TRPC4AP: variants seen among roughly 807,000 people sequenced by gnomAD.
The protein encoded by TRPC4AP is short transient receptor potential channel 4-associated protein.
TRPC4AP carries 45 observed loss-of-function variants against 99.0 expected under a neutral mutation model. The ratio of observed to expected loss-of-function variants is 0.45; its 90% CI spans 0.36 to 0.58. The LOEUF is 0.58. Ranked by LOEUF, TRPC4AP falls within the 20% of genes least tolerant of loss-of-function variation. The probability of loss-of-function intolerance (pLI) is 0.00; values close to 1 mark genes in which losing one functional copy is unlikely to be tolerated. For synonymous variants in TRPC4AP, 408 were observed against 385.8 expected, an observed-to-expected ratio of 1.06 and a Z score of -0.67; for missense variants, 879 against 985.3, an observed-to-expected ratio of 0.89 and a Z score of 1.44.
intron 1 of TRPC4AP, among the ~76,000 whole-genome samples, chr20:35,087,558 A>G (rs1178040537): frequency 1.3e-5 from 2 of 152,156 alleles, no homozygotes; most frequent in Admixed American, 1.3e-4. Context: ...CCTAGAGCCC[A>G]GCGTTTACTC....
At position 35,053,839 on chromosome 20, in the gene TRPC4AP, T is replaced by TA. The variant is rs1015123958; in HGVS notation, c.528+1136dup. 5.9e-5 allele frequency among the ~76,000 whole-genome samples: 9 copies of TA among 152,308 alleles called. No individual in the cohort carries two copies. In the South Asian group the frequency reaches 8.3e-4, roughly 14 times the overall value. Reference sequence around the variant, plus strand: ...CACCACTTCTTCCTACTTTTTTCTTTAAAAAAATGTGGCTACAAGGAAATT... The same window carrying TA: ...CACCACTTCTTCCTACTTTTTTCTTTAAAAAAAATGTGGCTACAAGGAAATT... On this transcript the variant is annotated intron_variant, in intron 5 of 18. Coordinates refer to ENST00000252015, the MANE Select transcript of TRPC4AP (RefSeq NM_015638.3).
rs747139507 is a variant in TRPC4AP at position 35,010,229 on chromosome 20, T to C, written c.1469A>G (p.Lys490Arg). Reference sequence around the variant, plus strand: ...AGCTTCCACCTCAGGGATGTTGGCCTTGAGAGAGATGGCACTGAGTTCATT... The same window carrying C: ...AGCTTCCACCTCAGGGATGTTGGCCCTGAGAGAGATGGCACTGAGTTCATT... ...ELNELSAISL[K>R]ANIPEVEAVL... The change falls in exon 12 of 19, where the codon AAG (lysine) becomes AGG (arginine). Residue 490 changes from lysine (K) to arginine (R), a missense_variant. Around this residue, in one of 3 missense-constraint regions of TRPC4AP, gnomAD observed 603 missense variants for 631.8 expected, o/e 0.95. Coordinates refer to ENST00000252015, the MANE Select transcript of TRPC4AP (RefSeq NM_015638.3). The C allele has an allele frequency of 6.2e-7, 1 of 1,614,198 alleles. No individual in the cohort carries two copies. Among genetic ancestry groups the C allele is most frequent in the Non-Finnish European group, 8.5e-7 (1 of 1,180,030 alleles).
intron 2 of TRPC4AP, among the ~76,000 whole-genome samples, chr20:35,071,948 TG>T (rs2084328412): frequency 6.6e-6 from 1 of 152,226 alleles, no homozygotes; most frequent in Admixed American, 6.5e-5. Context: ...CAGCACCTGT[TG>T]TTTCCTGACT....
At position 35,065,231 on chromosome 20, in the gene TRPC4AP, A is replaced by G. The variant is rs571519579; in HGVS notation, c.414+4065T>C. Among the ~76,000 whole-genome samples, 3 of 152,352 alleles carry G rather than the reference A, an allele frequency of 2.0e-5. No individual in the cohort carries two copies. The South Asian group carries it at 6.2e-4, about 32-fold the overall frequency. ...CTGGAAGATTTTTACCTACAAATCT[A>G]GATTTCCCATAACCTCTCAGGGAAA... On this transcript the variant is annotated intron_variant, in intron 3 of 18. Coordinates refer to ENST00000252015, the MANE Select transcript of TRPC4AP (RefSeq NM_015638.3).
intron 13 of TRPC4AP, 71 bp downstream of exon 13, chr20:35,008,593 T>C (rs1455904635): frequency 7.3e-7 from 1 of 1,363,284 alleles, no homozygotes; most frequent in East Asian, 2.3e-5. Flanking sequence ...AAAGGAGGTA[T>C]TCCTAACCTC....
In TRPC4AP at chr20:35,002,414, A is replaced by AAT. The variant is rs2082411684; in HGVS notation, c.*730_*731dup. Reference sequence around the variant, plus strand: ...CCAGGTCCACAGCAGTCATTTTTAAAATAAAGTTATTTAATAGTCTCCATT... The same window carrying AAT: ...CCAGGTCCACAGCAGTCATTTTTAAAATATAAAGTTATTTAATAGTCTCCATT... On this transcript the variant is annotated 3_prime_UTR_variant, in exon 19 of 19. Coordinates refer to ENST00000252015, the MANE Select transcript of TRPC4AP (RefSeq NM_015638.3). 4 of 425,664 alleles carry AAT rather than the reference A, an allele frequency of 9.4e-6. No individual in the cohort carries two copies. Among genetic ancestry groups the AAT allele is most frequent in the Admixed American group, 4.1e-5 (1 of 24,440 alleles). 26.4% of individuals were successfully genotyped at this position (425,664 alleles called of 1,614,324 possible).
At chr20:35,080,393 C>T (rs1001733630) in intron 1 of TRPC4AP, among the ~76,000 whole-genome samples, 3 of 151,730 alleles carry the variant, frequency 2.0e-5, no homozygotes, top group Admixed American at 6.6e-5. Context: ...CCCAGCTACT[C>T]GGGAGGCTGA....
At chr20:35,054,085 T>C (rs923370468) in intron 5 of TRPC4AP, among the ~76,000 whole-genome samples, 1 of 152,210 alleles carries the variant, frequency 6.6e-6, no homozygotes, top group Non-Finnish European at 1.5e-5. Flanking sequence ...ATCTTCTTCT[T>C]TCTTACCTGC....
chr20:35,031,965 C>T (rs1015909479), intron 8 of TRPC4AP, among the ~76,000 whole-genome samples: 2 of 152,216 alleles, frequency 1.3e-5, no homozygotes, highest in African/African-American at 4.8e-5. Flanking sequence ...CATCTCAGCA[C>T]ACTGCAACCT....
At chr20:35,008,533 A>G in intron 13 of TRPC4AP, 131 bp downstream of exon 13, 1 of 763,302 alleles carries the variant, frequency 1.3e-6, no homozygotes, top group East Asian at 2.5e-5. Flanking sequence ...CAGTCAAACC[A>G]CCTCTCCCCA....
Position 35,003,600 on chromosome 20 carries a change from A to G in TRPC4AP, c.2066T>C (p.Leu689Pro), listed in dbSNP as rs1426304333. 6.2e-7 allele frequency: 1 copy of G among 1,613,634 alleles called. No individual in the cohort carries two copies. The highest frequency in any genetic ancestry group is 8.5e-7 in the Non-Finnish European group (1 of 1,179,938). Residue 689 changes from leucine to proline, a missense_variant, in exon 18 of 19, where the codon CTC becomes CCC. Around this residue, in one of 3 missense-constraint regions of TRPC4AP, gnomAD observed 224 missense variants for 264.7 expected, o/e 0.85. Coordinates refer to ENST00000252015, the MANE Select transcript of TRPC4AP (RefSeq NM_015638.3). ...CATCAGGATCACCAGGCTGGTGTTG[A>G]GGCAGCTGACGTTCTCCTGCAAGGC... Reference protein sequence around the residue: ...QTLTQENVSCLNTSLVILMLA... With the variant: ...QTLTQENVSCPNTSLVILMLA...
chr20:35,015,571 T>G (rs2082735229), intron 10 of TRPC4AP, among the ~76,000 whole-genome samples: 1 of 151,718 alleles, frequency 6.6e-6, no homozygotes, highest in Non-Finnish European at 1.5e-5. Flanking sequence ...CAAGCAATTC[T>G]GGTGCCTCAG....
At chr20:35,086,915 C>G (rs2084900452) in intron 1 of TRPC4AP, among the ~76,000 whole-genome samples, 1 of 151,822 alleles carries the variant, frequency 6.6e-6, no homozygotes, top group African/African-American at 2.4e-5. Context: ...TGCCTATAGT[C>G]CCAGCTACTC....
chr20:35,048,667 G>C (rs573988897), intron 6 of TRPC4AP, among the ~76,000 whole-genome samples: 1 of 152,278 alleles, frequency 6.6e-6, no homozygotes, highest in Non-Finnish European at 1.5e-5. Context: ...AATGTTTGGT[G>C]GAACACCTCG....
chr20:35,061,819 C>G (rs765625061), intron 3 of TRPC4AP, among the ~76,000 whole-genome samples: 2 of 152,062 alleles, frequency 1.3e-5, no homozygotes, highest in Non-Finnish European at 2.9e-5. Context: ...TAGATGCACA[C>G]CAATACCCAA....
At chr20:35,091,785 G>A (rs184134839) in intron 1 of TRPC4AP, among the ~76,000 whole-genome samples, 2 of 152,272 alleles carry the variant, frequency 1.3e-5, no homozygotes, top group East Asian at 3.9e-4. Context: ...CCCTTAGTAT[G>A]CACCAGAAAT....
chr20:35,086,503 ATATATGTGTGTGTGTG>A (rs1207839871), intron 1 of TRPC4AP, among the ~76,000 whole-genome samples: 4 of 67,472 alleles, frequency 5.9e-5, no homozygotes, highest in Admixed American at 4.5e-4. Context: ...ATATGTGTAT[ATATATGTGTGTGTGTG>A]TATATATGTG....
intron 1 of TRPC4AP, among the ~76,000 whole-genome samples, chr20:35,091,738 T>C (rs748644216): frequency 1.3e-5 from 2 of 152,218 alleles, no homozygotes; most frequent in Non-Finnish European, 2.9e-5. Flanking sequence ...GTTGGGCACC[T>C]GTTATAAGTC....
chr20:35,046,765 T>C (rs940441119), intron 6 of TRPC4AP, among the ~76,000 whole-genome samples: 5 of 152,228 alleles, frequency 3.3e-5, no homozygotes, highest in African/African-American at 1.2e-4. Flanking sequence ...CTGTAACTTG[T>C]AGCTCACCAG....
Sources: gnomAD v4.1 joint callset for allele counts (sites outside exome capture counted in the v4.1 genomes callset) on GRCh38, gnomAD v4.1.1 for gene constraint, gnomAD v4.1.1 regional missense constraint, MANE v1.5 for transcripts, NCBI Gene and HGNC (gene_info 2026-07-23, HGNC 2026-07-21) for gene names.